ABLIM1: variants seen among roughly 807,000 people sequenced by gnomAD.
ABLIM1 encodes the protein actin binding LIM protein 1, also known as actin-binding LIM protein 1.
A neutral mutation model predicts 107.0 loss-of-function variants in ABLIM1; 40 were observed. That is an observed-to-expected ratio of 0.37 (90% CI 0.29 to 0.49). ABLIM1 has a LOEUF of 0.49. ABLIM1 is among the 20% of genes least tolerant of loss of function. The pLI, the probability that ABLIM1 is intolerant of heterozygous loss-of-function variation, is 0.97. For missense variants in ABLIM1, 857 were observed against 1,008.5 expected, an observed-to-expected ratio of 0.85 and a Z score of 2.04; for synonymous variants, 357 against 357.3, an observed-to-expected ratio of 1.00 and a Z score of 0.01.
chr10:114,448,803 AG>A (rs1340875245), intron 14 of ABLIM1, among the ~76,000 whole-genome samples: 2 of 152,030 alleles, frequency 1.3e-5, no homozygotes, highest in African/African-American at 4.8e-5. Flanking sequence ...TAGTAGAGAC[AG>A]GGTTTCTCCT....
At chr10:114,676,582 C>A (rs1432514548) in intron 1 of ABLIM1, among the ~76,000 whole-genome samples, 1 of 152,060 alleles carries the variant, frequency 6.6e-6, no homozygotes, top group African/African-American at 2.4e-5. Flanking sequence ...AAATGGTATT[C>A]CCAAGAAACT....
chr10:114,565,919 T>C (rs1292180698), intron 4 of ABLIM1, among the ~76,000 whole-genome samples: 1 of 147,508 alleles, frequency 6.8e-6, no homozygotes, highest in African/African-American at 2.5e-5. Flanking sequence ...CTCAGCCTCC[T>C]GAGTAGCTGG....
At chr10:114,463,533 A>T (rs535329980) in intron 12 of ABLIM1, among the ~76,000 whole-genome samples, 10 of 149,560 alleles carry the variant, frequency 6.7e-5, no homozygotes, top group East Asian at 1.9e-4. Flanking sequence ...AATGCTTATT[A>T]AAAAAAATGA....
At chr10:114,468,988 C>T (rs11196752) in intron 10 of ABLIM1, among the ~76,000 whole-genome samples, 22,839 of 144,870 alleles carry the variant, frequency 0.16, 2,338 homozygotes, top group East Asian at 0.47. Context: ...GAAGGCGAAG[C>T]TTGCAGTGAG....
intron 4 of ABLIM1, among the ~76,000 whole-genome samples, chr10:114,568,024 A>T (rs960174814): frequency 1.3e-5 from 2 of 151,414 alleles, no homozygotes; most frequent in Non-Finnish European, 2.9e-5. Context: ...CCCCGTCTCT[A>T]CTAAAAATAC....
chr10:114,684,691 C>A (rs2080887347), exon 1 of ABLIM1: 7 of 1,088,482 alleles, frequency 6.4e-6, no homozygotes, highest in Non-Finnish European at 7.8e-6. Flanking sequence ...TCTGGGAAGC[C>A]ACTATTAGAA....
In ABLIM1 at chr10:114,459,251, A is replaced by AAAAC. The variant is rs146224817; in HGVS notation, c.1442-5772_1442-5769dup. On this transcript the variant is annotated intron_variant, in intron 12 of 22. Transcript: ENST00000533213. Reference sequence around the variant, plus strand: ...AGCTCACATCCATTAAAAACAAAACAAAACAAACAAACAAACAAACAAAAA... The same window carrying AAAAC: ...AGCTCACATCCATTAAAAACAAAACAAAACAAACAAACAAACAAACAAACAAAAA... Among the ~76,000 whole-genome samples the AAAAC allele has an allele frequency of 3.0e-4, 46 of 152,336 alleles. No homozygotes were observed. In the South Asian group the frequency reaches 3.7e-3, roughly 12 times the overall value.
intron 1 of ABLIM1, among the ~76,000 whole-genome samples, chr10:114,741,410 A>G (rs1379801743): frequency 6.6e-6 from 1 of 151,470 alleles, no homozygotes; most frequent in Non-Finnish European, 1.5e-5. Context: ...TATTTTTAGT[A>G]GAGATGGGGT....
At chr10:114,600,734 T>C (rs1312545139) in intron 2 of ABLIM1, among the ~76,000 whole-genome samples, 2 of 152,094 alleles carry the variant, frequency 1.3e-5, no homozygotes, top group Non-Finnish European at 2.9e-5. Context: ...CAGAGTGCAC[T>C]CTGAGTCTCG....
chr10:114,689,369 T>TTG (rs1555224335), upstream of ABLIM1, among the ~76,000 whole-genome samples: 3 of 150,292 alleles, frequency 2.0e-5, no homozygotes, highest in Non-Finnish European at 4.4e-5. Context: ...TATTGGTTTT[T>TTG]TTTTTTTTTT....
chr10:114,616,299 G>A (rs2077128665), intron 1 of ABLIM1, among the ~76,000 whole-genome samples: 1 of 152,236 alleles, frequency 6.6e-6, no homozygotes, highest in South Asian at 2.1e-4. Context: ...GAGCAGGTGG[G>A]CAGCTTCCTC....
chr10:114,594,315 C>A (rs534423562), intron 2 of ABLIM1, among the ~76,000 whole-genome samples: 1 of 152,324 alleles, frequency 6.6e-6, no homozygotes, highest in East Asian at 1.9e-4. Context: ...GCCAGGCAGG[C>A]TTGTAGCTCA....
intron 6 of ABLIM1, among the ~76,000 whole-genome samples, chr10:114,530,067 A>C (rs2065287650): frequency 1.3e-5 from 2 of 152,166 alleles, no homozygotes; most frequent in African/African-American, 4.8e-5. Flanking sequence ...GGGTGGGCAG[A>C]GGGATGTGTT....
At chr10:114,538,410 T>C (rs770763896) in intron 6 of ABLIM1, among the ~76,000 whole-genome samples, 3 of 152,140 alleles carry the variant, frequency 2.0e-5, no homozygotes, top group Non-Finnish European at 4.4e-5. Context: ...GGTGGCCTCG[T>C]AGGGCAGAAT....
intron 2 of ABLIM1, among the ~76,000 whole-genome samples, chr10:114,576,553 T>C (rs564096107): frequency 1.3e-5 from 2 of 152,224 alleles, no homozygotes; most frequent in East Asian, 3.9e-4. Flanking sequence ...AATCAGTAAA[T>C]TGCTTTCCTA....
At chr10:114,762,212 T>G (rs1325184120) in intron 1 of ABLIM1, among the ~76,000 whole-genome samples, 1 of 152,112 alleles carries the variant, frequency 6.6e-6, no homozygotes, top group Admixed American at 6.6e-5. Context: ...TTTTTTATTT[T>G]TTAGTAGAGA....
rs1359642825 is a variant in ABLIM1 at position 114,619,548 on chromosome 10, AT to A, written c.245-17588del. Reference sequence around the variant, plus strand: ...CTCTTACACATCAAAAATGAATGCTATCCAGCATGTAATGCTCGACAATGTA... The same window carrying A: ...CTCTTACACATCAAAAATGAATGCTACCAGCATGTAATGCTCGACAATGTA... On this transcript the variant is annotated intron_variant, in intron 1 of 22. Coordinates refer to ENST00000533213, the MANE Select transcript of ABLIM1 (RefSeq NM_002313.7). The surrounding 1 kb of genome is among the most constrained non-coding windows in gnomAD (Gnocchi z 4.1). Among the ~76,000 whole-genome samples the A allele has an allele frequency of 2.6e-5, 4 of 152,140 alleles. No individual in the cohort carries two copies. The East Asian group carries it at 7.7e-4, about 29-fold the overall frequency.
chr10:114,715,067 A>G (rs1318972148), intron 1 of ABLIM1, among the ~76,000 whole-genome samples: 1 of 152,220 alleles, frequency 6.6e-6, no homozygotes, highest in Non-Finnish European at 1.5e-5. Context: ...CAGAAAGTAC[A>G]TCTAAAATTT....
Position 114,625,422 on chromosome 10 carries a change from C to A in ABLIM1, c.245-23461G>T, listed in dbSNP as rs187323707. 2.3e-4 allele frequency among the ~76,000 whole-genome samples: 35 copies of A among 152,214 alleles called. 1 individual carries two copies. The East Asian group carries it at 6.4e-3, about 28-fold the overall frequency. ...GGAAGACAGACAGCATTAGAGGCAG[C>A]AACACTTCACAGCTCCTAAGGTTGT... On this transcript the variant is annotated intron_variant, in intron 1 of 22. Transcript: ENST00000533213.
Sources: gnomAD v4.1 joint callset for allele counts (sites outside exome capture counted in the v4.1 genomes callset) on GRCh38, gnomAD v4.1.1 for gene constraint, Gnocchi (gnomAD v3.1) non-coding constraint, MANE v1.5 for transcripts, NCBI Gene and HGNC (gene_info 2026-07-23, HGNC 2026-07-21) for gene names.